Variants in PIEZO1 observed in about 807,000 individuals in gnomAD.
PIEZO1 encodes piezo-type mechanosensitive ion channel component 1.
In PIEZO1, 296 loss-of-function variants were observed where a neutral mutation model predicts 297.2. That is an observed-to-expected ratio of 1.00 (90% CI 0.91 to 1.10). PIEZO1 has a LOEUF of 1.10. Ranked by LOEUF, PIEZO1 falls within the 50% of genes least tolerant of loss-of-function variation. The probability of loss-of-function intolerance (pLI) is 0.00; values close to 1 mark genes in which losing one functional copy is unlikely to be tolerated. For synonymous variants in PIEZO1, 2,427 were observed against 1,507.5 expected (o/e 1.61, Z -14.13); for missense variants, 5,018 against 3,455.5 (o/e 1.45, Z -11.34).
rs1297411509 is a variant in PIEZO1 at position 88,727,554 on chromosome 16, C to T, written c.3301+3G>A. 1.5e-6 allele frequency: 2 copies of T among 1,324,162 alleles called. No homozygotes were observed. Among genetic ancestry groups the T allele is most frequent in the African/African-American group, 2.9e-5 (2 of 68,128 alleles). 82.0% of individuals were successfully genotyped at this position (1,324,162 alleles called of 1,614,324 possible). A position where few individuals can be genotyped will look rare whatever the true frequency, so the allele number is the denominator to read the frequency against. On this transcript the variant is annotated splice_donor_region_variant and intron_variant, in intron 23 of 50. Transcript: ENST00000301015. Reference sequence around the variant, plus strand: ...AGAGGCGGGGGTGGTGGGGGGCACTCACTGATGAGGTTGGTGGAGTTGGGG... The same window carrying T: ...AGAGGCGGGGGTGGTGGGGGGCACTTACTGATGAGGTTGGTGGAGTTGGGG...
chr16:88,757,327 T>TGGGGGGGGGGGGGGGGGGGGGGGGGGG (rs200851830), intron 1 of PIEZO1, among the ~76,000 whole-genome samples: 2 of 42,696 alleles, frequency 4.7e-5, no homozygotes, highest in Non-Finnish European at 5.2e-5. Flanking sequence ...GGCGGGGGGG[T>TGGGGGGGGGGGGGGGGGGGGGGGGGGG]GGGGGGTAGT....
chr16:88,742,247 C>G (rs1410928287), intron 3 of PIEZO1, 53 bp downstream of exon 3: 1 of 1,514,450 alleles, frequency 6.6e-7, no homozygotes, highest in African/African-American at 1.4e-5. Flanking sequence ...CTGCAGGGCC[C>G]TCTCCCTGAC....
At chr16:88,743,755 G>C (rs572798497) in intron 2 of PIEZO1, 1 of 413,242 alleles carries the variant, frequency 2.4e-6, no homozygotes, top group South Asian at 1.7e-5. Flanking sequence ...CTCCCTGTCC[G>C]CACCACCAGG....
At chr16:88,774,285 G>A (rs1293301297) in intron 1 of PIEZO1, among the ~76,000 whole-genome samples, 1 of 152,252 alleles carries the variant, frequency 6.6e-6, no homozygotes, top group Non-Finnish European at 1.5e-5. Flanking sequence ...CAGCTACTCA[G>A]GAGGCTGAGG....
chr16:88,784,953 G>C lies in PIEZO1; in HGVS notation c.12C>G (p.His4Gln), dbSNP rs1009719451. The C allele has an allele frequency of 1.5e-6, 2 of 1,377,664 alleles. No individual in the cohort carries two copies. The highest frequency in any genetic ancestry group is 1.9e-6 in the Non-Finnish European group (2 of 1,056,678). The allele number at this position is 1,377,664 out of a possible 1,614,324, so 85.3% of individuals were successfully genotyped here. A position where few individuals can be genotyped will look rare whatever the true frequency, so the allele number is the denominator to read the frequency against. ...GCCAGTACAGGACCGCGCCGAGCAC[G>C]TGCGGCTCCATGGCTGGAGGGCCCA... Reference protein sequence around the residue: MEPHVLGAVLYWLL... With the variant: MEPQVLGAVLYWLL... Residue 4 changes from histidine to glutamine, a missense_variant, in exon 1 of 51, where the codon CAC becomes CAG. Transcript: ENST00000301015.
rs755141831 is a variant in PIEZO1, at chr16:88,731,709, T to C, written c.3193A>G (p.Ile1065Val). The C allele has an allele frequency of 6.5e-7, 1 of 1,548,830 alleles. No homozygotes were observed. Among genetic ancestry groups the C allele is most frequent in the Non-Finnish European group, 8.7e-7 (1 of 1,146,372 alleles). The change falls in exon 22 of 51, where the codon ATT becomes GTT. Residue 1065 changes from isoleucine to valine, a missense_variant. By Grantham distance (29) the Ile-to-Val change is conservative. Transcript: ENST00000301015. ...LCLGMPPALC[I>V]DYPWRWSRAV... ...ACCCAAGCCACGTGCCCCTCACCAA[T>C]GCACAGGGCCGGGGGCATCCCCAGG... is the stretch of plus-strand genomic sequence containing the variant.
At chr16:88,736,989 C>T (rs1336329304) in intron 10 of PIEZO1, 12 of 407,580 alleles carry the variant, frequency 2.9e-5, no homozygotes, top group Non-Finnish European at 5.3e-5. Context: ...TGGCCCTGAC[C>T]CCCTTTCCAG....
At chr16:88,724,176 G>A (rs992630532) in intron 30 of PIEZO1, among the ~76,000 whole-genome samples, 1 of 152,232 alleles carries the variant, frequency 6.6e-6, no homozygotes, top group Non-Finnish European at 1.5e-5. Context: ...CGCGGGCTGG[G>A]GTGCAGAGTG....
intron 22 of PIEZO1, among the ~76,000 whole-genome samples, chr16:88,729,972 C>A (rs1437806669): frequency 6.6e-6 from 1 of 152,266 alleles, no homozygotes; most frequent in Non-Finnish European, 1.5e-5. Context: ...CACAGGATGG[C>A]GACTGCATGG....
chr16:88,755,313 G>C (rs979329035), intron 1 of PIEZO1, among the ~76,000 whole-genome samples: 1 of 152,218 alleles, frequency 6.6e-6, no homozygotes, highest in Admixed American at 6.5e-5. Flanking sequence ...AATGCCTCCA[G>C]ACTGGCTGGT....
intron 10 of PIEZO1, 145 bp from the exon 11 acceptor site, chr16:88,736,884 G>A (rs186114559): frequency 1.1e-4 from 57 of 536,766 alleles, no homozygotes; most frequent in African/African-American, 6.8e-4. Flanking sequence ...CGAGGGCTCC[G>A]GCAATTGGGC....
intron 21 of PIEZO1, 78 bp from the exon 22 acceptor site, chr16:88,731,988 T>G: frequency 1.4e-4 from 2 of 14,586 alleles, no homozygotes. Flanking sequence ...CCAGCAGGCC[T>G]CAGGCTTGCA....
At chr16:88,760,978 C>T (rs902965772) in intron 1 of PIEZO1, among the ~76,000 whole-genome samples, 2 of 152,186 alleles carry the variant, frequency 1.3e-5, no homozygotes, top group East Asian at 1.9e-4. Context: ...GGGCACCCAC[C>T]GCACCTGCCA....
Position 88,715,616 on chromosome 16 carries a change from C to A in PIEZO1, c.7555G>T (p.Glu2519Ter). ...SPETMIKWTR[E>*]KE ...GCCAGCAGCAGCTCCTACTCCTTCTCACGAGTCCACTTGATCATGGTCTCC... is the reference window on the plus strand; with the variant it reads ...GCCAGCAGCAGCTCCTACTCCTTCTAACGAGTCCACTTGATCATGGTCTCC... Residue 2519 changes from glutamate to a stop codon, truncating the protein, a stop_gained, in exon 51 of 51, where the codon GAG (glutamate) becomes TAG (stop). Transcript: ENST00000301015. LOFTEE classifies it high-confidence loss of function. 6.5e-7 allele frequency: 1 copy of A among 1,549,970 alleles called. No individual in the cohort carries two copies. The highest frequency in any genetic ancestry group is 1.2e-5 in the South Asian group (1 of 84,052).
At chr16:88,769,672 G>A (rs1907333666) in intron 1 of PIEZO1, among the ~76,000 whole-genome samples, 1 of 152,194 alleles carries the variant, frequency 6.6e-6, no homozygotes, top group African/African-American at 2.4e-5. Context: ...AGAGCAGGGA[G>A]AGGACCCCGG....
At chr16:88,777,476 T>C (rs995489552) in intron 1 of PIEZO1, among the ~76,000 whole-genome samples, 17 of 151,348 alleles carry the variant, frequency 1.1e-4, no homozygotes, top group African/African-American at 3.6e-4. Flanking sequence ...CGCAGACACA[T>C]TGCGGGGTCC....
At chr16:88,718,783 A>AT (rs1912224733) in intron 44 of PIEZO1, 1 of 152,842 alleles carries the variant, frequency 6.5e-6, no homozygotes, top group African/African-American at 2.4e-5. Context: ...ATCAGGCTTA[A>AT]TGCAGCCCTG....
intron 1 of PIEZO1, among the ~76,000 whole-genome samples, chr16:88,775,047 C>G (rs1907595031): frequency 6.6e-6 from 1 of 152,222 alleles, no homozygotes. Context: ...CAGGGAGGCC[C>G]CGGCCCAGAC....
In PIEZO1 at chr16:88,726,387, T is replaced by C; in HGVS notation, c.3865A>G (p.Ser1289Gly). The change falls in exon 27 of 51, where the codon AGC (serine) becomes GGC (glycine). Residue 1289 changes from serine to glycine, a missense_variant. Physicochemically the swap from Ser to Gly is moderately conservative, Grantham distance 56 (BLOSUM62 0). Coordinates refer to ENST00000301015, the MANE Select transcript of PIEZO1 (RefSeq NM_001142864.4). ...AGCAGCAGGAAGAAGAAGCAGACGC[T>C]GTCCCAGATGATGCCAGCCTCCTCC... The part of the protein sequence containing the change: ...PVEEAGIIWD[S>G]VCFFFLLLQR... 5.2e-6 allele frequency: 8 copies of C among 1,550,488 alleles called. No homozygotes were observed. Among genetic ancestry groups the C allele is most frequent in the Non-Finnish European group, 7.0e-6 (8 of 1,146,932 alleles).
Sources: allele counts gnomAD v4.1 joint callset (sites outside exome capture counted in the v4.1 genomes callset), GRCh38; gene constraint gnomAD v4.1.1; transcripts MANE v1.5; gene names NCBI Gene and HGNC (gene_info 2026-07-23, HGNC 2026-07-21).